CDK17: variants seen among roughly 807,000 people sequenced by gnomAD.
CDK17 encodes the protein cyclin-dependent kinase 17.
CDK17 carries 24 observed loss-of-function variants against 77.6 expected under a neutral mutation model. That is an observed-to-expected ratio of 0.31 (90% CI 0.22 to 0.44). CDK17 has a LOEUF of 0.44. Among genes scored for constraint, CDK17 ranks in the 20% least tolerant of loss-of-function variants. CDK17 has a pLI of 1.00. For missense variants in CDK17, 429 were observed against 622.5 expected (o/e 0.69, Z 3.31); for synonymous variants, 203 against 210.4 (o/e 0.96, Z 0.30).
At chr12:96,317,506 C>T (rs1187168421) in intron 3 of CDK17, among the ~76,000 whole-genome samples, 1 of 108,760 alleles carries the variant, frequency 9.2e-6, no homozygotes, top group Non-Finnish European at 1.9e-5. Flanking sequence ...TCAGATTCAC[C>T]AAAGTTGAAA....
rs1952908483 is a variant in CDK17 at position 96,327,609 on chromosome 12, G to T, written c.119-3497C>A. Among the ~76,000 whole-genome samples, 3 of 151,958 alleles carry T rather than the reference G, an allele frequency of 2.0e-5. No individual in the cohort carries two copies. In the South Asian group the frequency reaches 6.2e-4, roughly 32 times the overall value. Reference sequence around the variant, plus strand: ...GTTGCACAGGCTGAAGTGCAGTGGTGCAGTCACAGCTCACTGCAGCCTCAA... The same window carrying T: ...GTTGCACAGGCTGAAGTGCAGTGGTTCAGTCACAGCTCACTGCAGCCTCAA... On this transcript the variant is annotated intron_variant, in intron 2 of 16. Coordinates refer to ENST00000261211, the MANE Select transcript of CDK17 (RefSeq NM_002595.5).
intron 1 of CDK17, among the ~76,000 whole-genome samples, chr12:96,349,428 G>A (rs1380177428): frequency 2.0e-5 from 3 of 151,644 alleles, no homozygotes; most frequent in African/African-American, 4.9e-5. Flanking sequence ...ACTCCAGTCT[G>A]GGCAACAAGA....
In CDK17 at chr12:96,367,255, G is replaced by T. The variant is rs542221706; in HGVS notation, c.-29-32390C>A. 2.8e-5 allele frequency among the ~76,000 whole-genome samples: 4 copies of T among 145,420 alleles called. No homozygotes were observed. In the South Asian group the frequency reaches 8.9e-4, roughly 32 times the overall value. On this transcript the variant is annotated intron_variant, in intron 1 of 16. Transcript: ENST00000261211. ...AGCTACTCGGCAGGCTGAGGCGGGA[G>T]AATCACTTGAGCCTAGGAGGTGGAG...
chr12:96,319,912 C>T lies in CDK17; in HGVS notation c.283+4036G>A, dbSNP rs868393604. 1.2e-4 allele frequency among the ~76,000 whole-genome samples: 17 copies of T among 145,586 alleles called. No individual in the cohort carries two copies. In the South Asian group the frequency reaches 3.2e-3, roughly 27 times the overall value. ...CACAAGACAGGGATGCCTTCTCTCA[C>T]CGCTCCTATTCAACATAGTGTTGGA... On this transcript the variant is annotated intron_variant, in intron 3 of 16. Coordinates refer to ENST00000261211, the MANE Select transcript of CDK17 (RefSeq NM_002595.5).
chr12:96,289,107 T>C, intron 11 of CDK17, 60 bp downstream of exon 11: 2 of 1,534,828 alleles, frequency 1.3e-6, no homozygotes, highest in Non-Finnish European at 9.0e-7. Flanking sequence ...CAATACATCT[T>C]GCATTAACAG....
chr12:96,302,540 T>C (rs1952522300), intron 5 of CDK17, among the ~76,000 whole-genome samples: 1 of 152,070 alleles, frequency 6.6e-6, no homozygotes, highest in South Asian at 2.1e-4. Context: ...TGAGAATAAA[T>C]GCAAACTAGT....
chr12:96,283,173 T>A (rs938869551), intron 14 of CDK17, among the ~76,000 whole-genome samples: 1 of 152,232 alleles, frequency 6.6e-6, no homozygotes, highest in African/African-American at 2.4e-5. Context: ...TAGGGGTTTC[T>A]GTAAAGCTTT....
At chr12:96,393,065 T>A (rs535701622) in intron 1 of CDK17, among the ~76,000 whole-genome samples, 3 of 152,064 alleles carry the variant, frequency 2.0e-5, no homozygotes, top group Non-Finnish European at 4.4e-5. Flanking sequence ...AAAGGACCAC[T>A]TCTTAAAACC....
In CDK17 at chr12:96,353,275, G is replaced by A. The variant is rs553629180; in HGVS notation, c.-29-18410C>T. 4.6e-5 allele frequency among the ~76,000 whole-genome samples: 7 copies of A among 152,176 alleles called. No individual in the cohort carries two copies. In the East Asian group the frequency reaches 9.6e-4, roughly 21 times the overall value. On this transcript the variant is annotated intron_variant, in intron 1 of 16. Transcript: ENST00000261211. ...GCTACTTCCCCTCAACTATTTCATG[G>A]AGATCCATTTATATAAATAAATGTA...
intron 1 of CDK17, among the ~76,000 whole-genome samples, chr12:96,367,272 G>C (rs988384187): frequency 2.9e-5 from 4 of 138,810 alleles, no homozygotes; most frequent in African/African-American, 1.1e-4. Flanking sequence ...TTGAGCCTAG[G>C]AGGTGGAGGT....
chr12:96,304,906 T>C (rs185374853), intron 5 of CDK17, among the ~76,000 whole-genome samples: 10 of 152,310 alleles, frequency 6.6e-5, no homozygotes, highest in Non-Finnish European at 1.3e-4. Flanking sequence ...ATATAGTCTA[T>C]TGGTAAAACC....
chr12:96,320,606 A>G (rs1017515107), intron 3 of CDK17, among the ~76,000 whole-genome samples: 7 of 151,522 alleles, frequency 4.6e-5, no homozygotes, highest in Non-Finnish European at 1.0e-4. Flanking sequence ...GTACCAAAAC[A>G]GAGATATAGA....
At chr12:96,369,464 A>T (rs1451835886) in intron 1 of CDK17, among the ~76,000 whole-genome samples, 1 of 151,444 alleles carries the variant, frequency 6.6e-6, no homozygotes, top group Non-Finnish European at 1.5e-5. Context: ...TCTCATGTAT[A>T]TGTGGTGAGG....
intron 3 of CDK17, among the ~76,000 whole-genome samples, chr12:96,316,852 G>T (rs1952734851): frequency 2.1e-5 from 3 of 146,214 alleles, no homozygotes; most frequent in African/African-American, 5.1e-5. Flanking sequence ...CCACAAAGAT[G>T]GGGAAAAAAC....
chr12:96,391,703 T>G (rs1954071463), intron 1 of CDK17, among the ~76,000 whole-genome samples: 1 of 152,238 alleles, frequency 6.6e-6, no homozygotes, highest in African/African-American at 2.4e-5. Context: ...TATTTCCATT[T>G]TGTCTAAAAG....
intron 1 of CDK17, among the ~76,000 whole-genome samples, chr12:96,397,961 C>T (rs568761689): frequency 6.6e-6 from 1 of 152,326 alleles, no homozygotes; most frequent in African/African-American, 2.4e-5. Context: ...CGGCAGTGAG[C>T]AGCAAGCTAT....
chr12:96,351,608 C>T (rs1436673314), intron 1 of CDK17, among the ~76,000 whole-genome samples: 1 of 152,160 alleles, frequency 6.6e-6, no homozygotes, highest in Non-Finnish European at 1.5e-5. Context: ...GATGGTTACA[C>T]AAAATTTCAA....
At chr12:96,377,932 ATCCGCCCACCTTGGCCTC>A (rs1397519139) in intron 1 of CDK17, among the ~76,000 whole-genome samples, 5 of 152,154 alleles carry the variant, frequency 3.3e-5, no homozygotes, top group Non-Finnish European at 1.5e-5. Context: ...TGACCTCGTG[ATCCGCCCACCTTGGCCTC>A]CCAAAGTGCT....
intron 1 of CDK17, among the ~76,000 whole-genome samples, chr12:96,394,726 G>A (rs926663663): frequency 5.4e-5 from 8 of 147,692 alleles, no homozygotes; most frequent in Non-Finnish European, 1.0e-4. Flanking sequence ...GCTGAGGCAC[G>A]AGAATAGCTT....
Sources: allele counts gnomAD v4.1 joint callset (sites outside exome capture counted in the v4.1 genomes callset), GRCh38; gene constraint gnomAD v4.1.1; transcripts MANE v1.5; gene names NCBI Gene and HGNC (gene_info 2026-07-23, HGNC 2026-07-21).